Variants in SMURF1 observed in about 807,000 individuals in gnomAD.
SMURF1 encodes the protein E3 ubiquitin-protein ligase SMURF1.
SMURF1 carries 44 observed loss-of-function variants against 98.0 expected under a neutral mutation model. That is an observed-to-expected ratio of 0.45 (90% CI 0.35 to 0.58). SMURF1 has a LOEUF of 0.58. SMURF1 is among the 20% of genes least tolerant of loss of function. The pLI, the probability that SMURF1 is intolerant of heterozygous loss-of-function variation, is 0.00. For missense variants in SMURF1, 687 were observed against 938.4 expected (o/e 0.73, Z 3.50); for synonymous variants, 396 against 374.9 (o/e 1.06, Z -0.65).
At chr7:99,047,172 C>G (rs960731518) in intron 10 of SMURF1, among the ~76,000 whole-genome samples, 14 of 152,248 alleles carry the variant, frequency 9.2e-5, no homozygotes, top group African/African-American at 3.4e-4. Flanking sequence ...GCCACCTGCT[C>G]CTCGCCAATT....
intron 11 of SMURF1, among the ~76,000 whole-genome samples, chr7:99,044,431 G>A (rs184439641): frequency 5.9e-5 from 9 of 152,290 alleles, no homozygotes; most frequent in Admixed American, 2.6e-4. Context: ...AATGTAAACC[G>A]TATAAACTTT....
chr7:99,113,837 TAAAAAAAAAAAAAA>T (rs71118659), intron 1 of SMURF1, among the ~76,000 whole-genome samples: 6 of 33,952 alleles, frequency 1.8e-4, no homozygotes, highest in Admixed American at 4.8e-4. Context: ...AGACTCCGTC[TAAAAAAAAAAAAAA>T]AAAAAAAAAA....
chr7:99,092,593 T>C (rs896844739), intron 1 of SMURF1, among the ~76,000 whole-genome samples: 2 of 152,188 alleles, frequency 1.3e-5, no homozygotes, highest in East Asian at 1.9e-4. Context: ...TTTAGTGCCA[T>C]GTTTTTCACA....
Position 99,030,561 on chromosome 7 carries a change from ACT to A in SMURF1, c.*21_*22del, listed in dbSNP as rs753105176. ...TTTTGGTCTGGTGGCCATGAGCTAG[ACT>A]CTGTTGCCTTTGGTTGCTTTTCACT... On this transcript the variant is annotated 3_prime_UTR_variant, in exon 18 of 18. Coordinates refer to ENST00000361368, the MANE Select transcript of SMURF1 (RefSeq NM_181349.3). 1.2e-6 allele frequency: 2 copies of A among 1,607,814 alleles called. No homozygotes were observed. Among genetic ancestry groups the A allele is most frequent in the Non-Finnish European group, 1.7e-6 (2 of 1,174,816 alleles).
In SMURF1 at chr7:99,047,710, C is replaced by A; in HGVS notation, c.1126G>T (p.Glu376Ter). The change falls in exon 10 of 18, where the codon GAA (glutamate) becomes TAA (stop). Residue 376 changes from glutamate (E) to a stop codon, truncating the protein, a stop_gained. Transcript: ENST00000361368. LOFTEE classifies it high-confidence loss of function. ...TCAAAGATTTCTTCTCTGGACACTT[C>A]GATGCGGCAATGACCAGCTTGGGGC... is the stretch of plus-strand genomic sequence containing the variant. ...QQPQAGHCRI[E>*]VSREEIFEES... 1 of 1,614,216 alleles carries A rather than the reference C, an allele frequency of 6.2e-7. No individual in the cohort carries two copies. Among genetic ancestry groups the A allele is most frequent in the Non-Finnish European group, 8.5e-7 (1 of 1,180,052 alleles).
At chr7:99,044,907 G>A (rs948087735) in intron 11 of SMURF1, among the ~76,000 whole-genome samples, 9 of 152,188 alleles carry the variant, frequency 5.9e-5, no homozygotes, top group Non-Finnish European at 1.3e-4. Context: ...AGGCCAAGAT[G>A]GGAGAGTGGC....
chr7:99,038,540 C>G lies in SMURF1; in HGVS notation c.1551-15G>C, dbSNP rs1795244340. 6.2e-7 allele frequency: 1 copy of G among 1,612,964 alleles called. No individual in the cohort carries two copies. The highest frequency in any genetic ancestry group is 1.3e-5 in the African/African-American group (1 of 75,000). On this transcript the variant is annotated splice_polypyrimidine_tract_variant and intron_variant, in intron 13 of 17. Coordinates refer to ENST00000361368, the MANE Select transcript of SMURF1 (RefSeq NM_181349.3). ...TGTCGTTCTCTCTGTTGAAATAAGA[C>G]AGAAGGATGTAGGTTAGAACTCTGC...
Position 99,028,298 on chromosome 7 carries a change from T to C in SMURF1, c.*2286A>G, listed in dbSNP as rs1201977793. ...TCGTAGAAACTGAAGGTTCTAGGAG[T>C]GCAGTGCCACCGACAGGGAGGCCTG... On this transcript the variant is annotated 3_prime_UTR_variant, in exon 18 of 18. Coordinates refer to ENST00000361368, the MANE Select transcript of SMURF1 (RefSeq NM_181349.3). 6.6e-6 allele frequency: 1 copy of C among 151,984 alleles called. No homozygotes were observed. The highest frequency in any genetic ancestry group is 2.4e-5 in the African/African-American group (1 of 41,322). 9.4% of individuals were successfully genotyped at this position (151,984 alleles called of 1,614,324 possible).
intron 2 of SMURF1, among the ~76,000 whole-genome samples, 191 bp from the exon 3 acceptor site, chr7:99,060,898 G>GA (rs79545396): frequency 0.12 from 17,258 of 142,500 alleles, 1,035 homozygotes; most frequent in East Asian, 0.23. Context: ...GAAAGTGACT[G>GA]AAAAAAAAAA....
intron 17 of SMURF1, among the ~76,000 whole-genome samples, chr7:99,031,851 C>T (rs1245322986): frequency 2.6e-5 from 4 of 152,210 alleles, no homozygotes; most frequent in Non-Finnish European, 5.9e-5. Context: ...GGCATCTCAG[C>T]AGCATCTAGA....
intron 1 of SMURF1, among the ~76,000 whole-genome samples, chr7:99,133,004 G>A (rs139802469): frequency 9.2e-5 from 14 of 152,182 alleles, no homozygotes; most frequent in Middle Eastern, 3.4e-3. Context: ...GCTAGAAAGG[G>A]ATAGCTCCAA....
intron 6 of SMURF1, among the ~76,000 whole-genome samples, chr7:99,052,770 T>C (rs1015783275): frequency 2.0e-5 from 3 of 152,176 alleles, no homozygotes; most frequent in African/African-American, 7.2e-5. Context: ...TTTCTTGATT[T>C]AAAATCAAAT....
intron 3 of SMURF1, among the ~76,000 whole-genome samples, chr7:99,060,152 C>T (rs1296230041): frequency 2.0e-5 from 3 of 151,642 alleles, no homozygotes; most frequent in East Asian, 3.9e-4. Flanking sequence ...CTAAGGTGGG[C>T]AGATCACTTG....
chr7:99,117,539 C>G (rs1028813543), intron 1 of SMURF1, among the ~76,000 whole-genome samples: 30 of 151,416 alleles, frequency 2.0e-4, no homozygotes, highest in Admixed American at 1.6e-3. Context: ...TTAGTAGAGA[C>G]GGGGTTTCAC....
At chr7:99,057,885 C>A (rs181157616) in intron 3 of SMURF1, among the ~76,000 whole-genome samples, 1 of 152,196 alleles carries the variant, frequency 6.6e-6, no homozygotes, top group African/African-American at 2.4e-5. Flanking sequence ...GCATGAGCTA[C>A]TATGCCCAGC....
intron 1 of SMURF1, among the ~76,000 whole-genome samples, chr7:99,121,656 T>C (rs746255117): frequency 6.6e-6 from 1 of 152,232 alleles, no homozygotes; most frequent in Non-Finnish European, 1.5e-5. Context: ...ATGCTTTGGA[T>C]CGTAGACCAC....
intron 16 of SMURF1, 119 bp downstream of exon 16, chr7:99,035,396 A>AT: frequency 8.4e-7 from 1 of 1,186,164 alleles, no homozygotes; most frequent in Non-Finnish European, 1.2e-6. Context: ...ACTGGAGAAC[A>AT]TTCCTTATGC....
At chr7:99,054,664 C>G in intron 6 of SMURF1, 126 bp downstream of exon 6, 1 of 780,694 alleles carries the variant, frequency 1.3e-6, no homozygotes, top group Non-Finnish European at 2.1e-6. Flanking sequence ...ACAGTTTTAT[C>G]CCAACATCCT....
chr7:99,080,361 G>A (rs545709107), intron 1 of SMURF1, among the ~76,000 whole-genome samples: 147 of 152,268 alleles, frequency 9.7e-4, no homozygotes, highest in South Asian at 6.6e-3. Context: ...GTGCAGCGGC[G>A]CGATCCCGGC....
Sources: allele counts gnomAD v4.1 joint callset (sites outside exome capture counted in the v4.1 genomes callset), GRCh38; gene constraint gnomAD v4.1.1; transcripts MANE v1.5; gene names NCBI Gene and HGNC (gene_info 2026-07-23, HGNC 2026-07-21).